ADGRL2: variants seen among roughly 807,000 people sequenced by gnomAD.
ADGRL2 encodes the protein adhesion G protein-coupled receptor L2, also known as calcium-independent alpha-latrotoxin receptor 2.
Under a neutral mutation model 157.4 loss-of-function variants are expected in ADGRL2, and 44 were observed. The ratio of observed to expected loss-of-function variants is 0.28; its 90% confidence interval spans 0.22 to 0.36. The LOEUF is 0.36. ADGRL2 is among the 10% of genes least tolerant of loss of function. ADGRL2 has a pLI of 1.00. For missense variants in ADGRL2, 1,510 were observed against 1,768.9 expected (o/e 0.85, Z 2.63); for synonymous variants, 585 against 624.7 (o/e 0.94, Z 0.95).
At chr1:81,464,511 A>G (rs2078009725) in intron 2 of ADGRL2, among the ~76,000 whole-genome samples, 1 of 152,172 alleles carries the variant, frequency 6.6e-6, no homozygotes, top group South Asian at 2.1e-4. Flanking sequence ...CGTTATGTAA[A>G]TGAAACTGAT....
intron 2 of ADGRL2, among the ~76,000 whole-genome samples, chr1:81,511,377 G>GAAAA (rs1160303114): frequency 1.6e-5 from 1 of 60,754 alleles, no homozygotes; most frequent in Non-Finnish European, 3.3e-5. Context: ...CCTTGTCTCA[G>GAAAA]AAAAAAAAAA....
intron 2 of ADGRL2, among the ~76,000 whole-genome samples, chr1:81,841,901 C>T (rs975974151): frequency 3.3e-5 from 5 of 152,062 alleles, no homozygotes; most frequent in Admixed American, 1.3e-4. Context: ...GTGATAAGTG[C>T]CATAATAATG....
At chr1:81,349,836 T>C (rs1401719161) in intron 1 of ADGRL2, among the ~76,000 whole-genome samples, 1 of 151,980 alleles carries the variant, frequency 6.6e-6, no homozygotes, top group African/African-American at 2.4e-5. Flanking sequence ...CAGTTGGTAA[T>C]GTTTCATTAG....
intron 2 of ADGRL2, among the ~76,000 whole-genome samples, chr1:81,547,338 A>G (rs1376427590): frequency 1.3e-5 from 2 of 152,204 alleles, no homozygotes; most frequent in African/African-American, 2.4e-5. Context: ...CTCTTGAAGG[A>G]GCAGAAGGCC....
At chr1:81,535,709 C>T (rs1299682058) in intron 2 of ADGRL2, among the ~76,000 whole-genome samples, 1 of 152,018 alleles carries the variant, frequency 6.6e-6, no homozygotes, top group Non-Finnish European at 1.5e-5. Flanking sequence ...AGGATTTTGG[C>T]AGATGAAATT....
intron 2 of ADGRL2, among the ~76,000 whole-genome samples, chr1:81,487,108 A>AAAG (rs537612028): frequency 7.4e-6 from 1 of 135,494 alleles, no homozygotes; most frequent in African/African-American, 2.7e-5. Context: ...AAAAAAAAAA[A>AAAG]AGAAAGTAAA....
At chr1:81,958,611 A>G (rs1025582204) in intron 11 of ADGRL2, among the ~76,000 whole-genome samples, 2 of 152,216 alleles carry the variant, frequency 1.3e-5, no homozygotes, top group Non-Finnish European at 2.9e-5. Flanking sequence ...TTATAATTAT[A>G]TCTAATTGTG....
intron 2 of ADGRL2, among the ~76,000 whole-genome samples, chr1:81,520,781 T>C (rs2079295943): frequency 6.6e-6 from 1 of 152,138 alleles, no homozygotes; most frequent in Non-Finnish European, 1.5e-5. Context: ...TTCAGCAAGG[T>C]GAAAACTGAC....
intron 1 of ADGRL2, among the ~76,000 whole-genome samples, chr1:81,416,316 C>CA (rs61343094): frequency 0.25 from 35,849 of 141,048 alleles, 4,795 homozygotes; most frequent in East Asian, 0.53. Context: ...AACCTTCTTG[C>CA]AAAAAAAAAA....
chr1:81,794,672 C>T (rs1163220711), intron 2 of ADGRL2, among the ~76,000 whole-genome samples: 1 of 152,092 alleles, frequency 6.6e-6, no homozygotes, highest in Non-Finnish European at 1.5e-5. Context: ...AAAACTGATT[C>T]TTTTCTATCA....
intron 1 of ADGRL2, among the ~76,000 whole-genome samples, chr1:81,402,550 A>G (rs1354703630): frequency 1.3e-5 from 2 of 152,214 alleles, no homozygotes; most frequent in East Asian, 3.9e-4. Context: ...GATTTCAGAA[A>G]GAGAATCAAC....
At chr1:81,733,217 C>T (rs2084784204) in intron 1 of ADGRL2, among the ~76,000 whole-genome samples, 1 of 152,204 alleles carries the variant, frequency 6.6e-6, no homozygotes, top group Admixed American at 6.5e-5. Flanking sequence ...AATGTATAAG[C>T]TGCTGTCCAG....
At chr1:81,623,158 G>T (rs1439080951) in intron 3 of ADGRL2, among the ~76,000 whole-genome samples, 1 of 152,174 alleles carries the variant, frequency 6.6e-6, no homozygotes, top group Non-Finnish European at 1.5e-5. Context: ...CATACTTTGA[G>T]TAGGAAGAGA....
At chr1:81,687,949 A>C (rs1464855005) in intron 3 of ADGRL2, among the ~76,000 whole-genome samples, 1 of 152,138 alleles carries the variant, frequency 6.6e-6, no homozygotes, top group Admixed American at 6.5e-5. Flanking sequence ...CTGGATACAA[A>C]ATTTTTGGCT....
At chr1:81,854,463 A>C (rs929116989) in intron 2 of ADGRL2, among the ~76,000 whole-genome samples, 2 of 152,196 alleles carry the variant, frequency 1.3e-5, no homozygotes, top group Admixed American at 6.5e-5. Flanking sequence ...CTCATCAGCT[A>C]TGTGAACCTG....
chr1:81,450,996 CT>C (rs2077693168), intron 2 of ADGRL2, among the ~76,000 whole-genome samples: 2 of 152,120 alleles, frequency 1.3e-5, no homozygotes, highest in African/African-American at 4.8e-5. Flanking sequence ...TGGCTCTTTA[CT>C]TTCAAATTTA....
intron 11 of ADGRL2, among the ~76,000 whole-genome samples, chr1:81,962,554 T>G (rs1449631899): frequency 6.6e-6 from 1 of 152,196 alleles, no homozygotes; most frequent in East Asian, 1.9e-4. Context: ...AATATTTTCC[T>G]TTTGGCTTTC....
intron 1 of ADGRL2, among the ~76,000 whole-genome samples, chr1:81,425,269 T>C (rs915491514): frequency 2.6e-5 from 4 of 152,220 alleles, no homozygotes; most frequent in Admixed American, 2.6e-4. Context: ...CCCATGCATG[T>C]GTACACACAC....
intron 1 of ADGRL2, among the ~76,000 whole-genome samples, chr1:81,387,034 T>G (rs2076449344): frequency 6.6e-6 from 1 of 152,102 alleles, no homozygotes; most frequent in African/African-American, 2.4e-5. Flanking sequence ...AAAAGAAAAT[T>G]TTAGTATAGT....
Sources: gnomAD v4.1 joint callset for allele counts (sites outside exome capture counted in the v4.1 genomes callset) on GRCh38, gnomAD v4.1.1 for gene constraint, MANE v1.5 for transcripts, NCBI Gene and HGNC (gene_info 2026-07-23, HGNC 2026-07-21) for gene names.